GRIA1: variants seen among roughly 807,000 people sequenced by gnomAD.
The protein encoded by GRIA1 is glutamate receptor 1.
A neutral mutation model predicts 99.2 loss-of-function variants in GRIA1; 31 were observed. That is an observed-to-expected ratio of 0.31 (90% confidence interval 0.23 to 0.42). The LOEUF (loss-of-function observed/expected upper bound fraction) is 0.42, where lower values mean the gene tolerates loss of function less well. GRIA1 is among the 10% of genes least tolerant of loss of function. The pLI, the probability that GRIA1 is intolerant of heterozygous loss-of-function variation, is 1.00. For synonymous variants in GRIA1, 438 were observed against 432.4 expected, an observed-to-expected ratio of 1.01 and a Z score of -0.16; for missense variants, 782 against 1,157.5, an observed-to-expected ratio of 0.68 and a Z score of 4.71.
intron 2 of GRIA1, among the ~76,000 whole-genome samples, chr5:153,505,115 C>A (rs1413391454): frequency 6.6e-6 from 1 of 152,188 alleles, no homozygotes; most frequent in Admixed American, 6.5e-5. Context: ...TGGCTCCTGT[C>A]CAAGGCAAAC....
intron 2 of GRIA1, among the ~76,000 whole-genome samples, chr5:153,642,734 T>C (rs1422896): frequency 9.3e-4 from 141 of 152,020 alleles, no homozygotes; most frequent in African/African-American, 3.2e-3. Context: ...CCCAGCAACA[T>C]GATGGAAGTC....
At position 153,534,611 on chromosome 5, in the gene GRIA1, A is replaced by G. The variant is rs183901891; in HGVS notation, c.220+40546A>G. 3.3e-3 allele frequency among the ~76,000 whole-genome samples: 504 copies of G among 152,344 alleles called. 5 individuals carry two copies. Among genetic ancestry groups the G allele is most frequent in the Non-Finnish European group, 3.2e-3 (220 of 68,028 alleles). ...GATAATAATGTATTGGTAGTTGCTCACAGAAAGACAGTATCACGTTGTGGA... is the reference window on the plus strand; with the variant it reads ...GATAATAATGTATTGGTAGTTGCTCGCAGAAAGACAGTATCACGTTGTGGA... On this transcript the variant is annotated intron_variant, in intron 2 of 15. Transcript: ENST00000285900.
intron 11 of GRIA1, among the ~76,000 whole-genome samples, chr5:153,717,826 G>A (rs1298983334): frequency 1.3e-5 from 2 of 152,098 alleles, no homozygotes; most frequent in Non-Finnish European, 2.9e-5. Flanking sequence ...GGGCACTTGG[G>A]GGAACCCACT....
chr5:153,727,570 C>G (rs1431022093), intron 11 of GRIA1, among the ~76,000 whole-genome samples: 2 of 152,170 alleles, frequency 1.3e-5, no homozygotes, highest in Non-Finnish European at 2.9e-5. Context: ...ACAAAAATCA[C>G]AAGAATTCTT....
At chr5:153,753,732 G>A (rs1336884978) in intron 11 of GRIA1, among the ~76,000 whole-genome samples, 1 of 152,064 alleles carries the variant, frequency 6.6e-6, no homozygotes, top group African/African-American at 2.4e-5. Context: ...TACCCAGGGG[G>A]GTTTGGGAAA....
At chr5:153,790,712 C>A (rs1023115940) in intron 13 of GRIA1, among the ~76,000 whole-genome samples, 3 of 152,138 alleles carry the variant, frequency 2.0e-5, no homozygotes, top group African/African-American at 7.2e-5. Flanking sequence ...AAGTTGCCAG[C>A]AGATGGTAGT....
intron 7 of GRIA1, among the ~76,000 whole-genome samples, chr5:153,684,816 T>C (rs1757231380): frequency 6.6e-6 from 1 of 152,218 alleles, no homozygotes; most frequent in Non-Finnish European, 1.5e-5. Context: ...TTTATGGAGC[T>C]GGGGATTTCT....
intron 11 of GRIA1, among the ~76,000 whole-genome samples, chr5:153,716,653 T>G (rs1759687020): frequency 6.6e-6 from 1 of 152,052 alleles, no homozygotes; most frequent in African/African-American, 2.4e-5. Context: ...AAAATGTAAC[T>G]GGTGCCACTT....
intron 2 of GRIA1, among the ~76,000 whole-genome samples, chr5:153,535,620 G>C (rs576716632): frequency 3.3e-5 from 5 of 152,294 alleles, no homozygotes; most frequent in Non-Finnish European, 7.4e-5. Context: ...TTATTTCTTG[G>C]TCTCAAGTTG....
At chr5:153,777,955 A>G (rs1764369033) in intron 13 of GRIA1, among the ~76,000 whole-genome samples, 1 of 152,204 alleles carries the variant, frequency 6.6e-6, no homozygotes, top group Non-Finnish European at 1.5e-5. Flanking sequence ...GCTTGTTGTC[A>G]TGGTAACCCT....
At chr5:153,783,069 G>A (rs1446856288) in intron 13 of GRIA1, among the ~76,000 whole-genome samples, 2 of 152,204 alleles carry the variant, frequency 1.3e-5, no homozygotes, top group Admixed American at 1.3e-4. Flanking sequence ...CTCTTCCTCA[G>A]GAGCCATTCT....
intron 8 of GRIA1, among the ~76,000 whole-genome samples, chr5:153,689,099 G>A (rs530838809): frequency 6.6e-6 from 1 of 151,492 alleles, no homozygotes; most frequent in African/African-American, 2.4e-5. Context: ...TACTATCATA[G>A]CTCACTATAA....
chr5:153,500,274 G>T (rs1307323739), intron 2 of GRIA1, among the ~76,000 whole-genome samples: 1 of 152,010 alleles, frequency 6.6e-6, no homozygotes, highest in East Asian at 1.9e-4. Context: ...TCATGTATTT[G>T]TTCATTCATT....
At chr5:153,794,977 C>T (rs376351061) in intron 14 of GRIA1, among the ~76,000 whole-genome samples, 2 of 152,276 alleles carry the variant, frequency 1.3e-5, no homozygotes, top group East Asian at 3.9e-4. Flanking sequence ...TGCTCTGGTC[C>T]CATAACCAAG....
chr5:153,675,255 T>G (rs945414172), intron 6 of GRIA1, among the ~76,000 whole-genome samples: 1 of 152,206 alleles, frequency 6.6e-6, no homozygotes, highest in African/African-American at 2.4e-5. Flanking sequence ...CATTGTAGAT[T>G]GAGCTTCTTT....
At chr5:153,610,475 G>A (rs188877437) in intron 2 of GRIA1, among the ~76,000 whole-genome samples, 122 of 152,328 alleles carry the variant, frequency 8.0e-4, no homozygotes, top group African/African-American at 2.9e-3. Flanking sequence ...GGTCTTTGTT[G>A]TTATCGTTGT....
intron 2 of GRIA1, among the ~76,000 whole-genome samples, chr5:153,601,829 A>G (rs138535462): frequency 2.6e-4 from 40 of 152,322 alleles, no homozygotes; most frequent in Admixed American, 2.5e-3. Context: ...ACAGAATTAT[A>G]GAGTTCACAA....
At chr5:153,599,528 A>G (rs2149395357) in intron 2 of GRIA1, among the ~76,000 whole-genome samples, 1 of 152,332 alleles carries the variant, frequency 6.6e-6, no homozygotes, top group South Asian at 2.1e-4. Flanking sequence ...CCTCTCACAT[A>G]CTTTAAATCA....
At chr5:153,594,219 C>A (rs1764229722) in intron 2 of GRIA1, among the ~76,000 whole-genome samples, 1 of 152,144 alleles carries the variant, frequency 6.6e-6, no homozygotes, top group Non-Finnish European at 1.5e-5. Flanking sequence ...ATTCATGGGG[C>A]TAGAAAGACA....
Sources: allele counts gnomAD v4.1 joint callset (sites outside exome capture counted in the v4.1 genomes callset), GRCh38; gene constraint gnomAD v4.1.1; transcripts MANE v1.5; gene names NCBI Gene and HGNC (gene_info 2026-07-23, HGNC 2026-07-21).